MYBL2: variants seen among roughly 807,000 people sequenced by gnomAD.
MYBL2 encodes MYB proto-oncogene like 2, also known as myb-related protein B.
A neutral mutation model predicts 79.9 loss-of-function variants in MYBL2; 28 were observed. The observed-to-expected ratio is 0.35, with a 90% CI of 0.26 to 0.48. The LOEUF (loss-of-function observed/expected upper bound fraction) is 0.48. Ranked by LOEUF, MYBL2 falls within the 20% of genes least tolerant of loss-of-function variation. The pLI is 0.99. For synonymous variants in MYBL2, 378 were observed against 361.2 expected, an observed-to-expected ratio of 1.05 and a Z score of -0.53; for missense variants, 735 against 893.9, an observed-to-expected ratio of 0.82 and a Z score of 2.27.
chr20:43,684,615 A>G (rs67630444), intron 4 of MYBL2, among the ~76,000 whole-genome samples: 4,598 of 149,346 alleles, frequency 0.031, 95 homozygotes, highest in Middle Eastern at 0.1. Flanking sequence ...GGCTCAAGCT[A>G]TCTTCTCGCC....
Position 43,713,078 on chromosome 20 carries a change from T to A in MYBL2, c.1796T>A (p.Met599Lys). The part of the protein sequence containing the change: ...DIVDEDVKLM[M>K]STLPKSLSLP... The stretch of plus-strand genomic sequence containing the variant: ...GTGGATGAGGATGTGAAGCTGATGA[T>A]GTCCACACTGCCCAAGTCTCTATCC... The change falls in exon 12 of 14, where the codon ATG becomes AAG. Residue 599 changes from methionine (M) to lysine (K), a missense_variant. Transcript: ENST00000217026. 1.2e-6 allele frequency: 2 copies of A among 1,613,138 alleles called. No individual in the cohort carries two copies. Among genetic ancestry groups the A allele is most frequent in the Non-Finnish European group, 1.7e-6 (2 of 1,179,622 alleles).
chr20:43,698,039 A>G (rs1371054214), intron 6 of MYBL2, among the ~76,000 whole-genome samples: 1 of 142,282 alleles, frequency 7.0e-6, no homozygotes, highest in East Asian at 2.0e-4. Flanking sequence ...TAATTTGTTA[A>G]TTTGTTATTT....
intron 9 of MYBL2, among the ~76,000 whole-genome samples, chr20:43,705,942 C>T (rs1248995497): frequency 1.3e-5 from 2 of 152,078 alleles, no homozygotes; most frequent in East Asian, 3.9e-4. Context: ...CCTCGTGATC[C>T]TCCTGCCTCA....
intron 13 of MYBL2, 100 bp from the exon 14 acceptor site, chr20:43,715,859 A>T (rs1481696204): frequency 4.2e-6 from 6 of 1,432,086 alleles, no homozygotes; most frequent in Non-Finnish European, 5.6e-6. Flanking sequence ...CTTCTAGGGG[A>T]GGGAGGCTTA....
chr20:43,679,327 A>G (rs1349343319), intron 2 of MYBL2, among the ~76,000 whole-genome samples: 1 of 152,176 alleles, frequency 6.6e-6, no homozygotes, highest in East Asian at 1.9e-4. Flanking sequence ...ATAAATTTGT[A>G]TGTGTGACAA....
rs1383250915 is a variant in MYBL2, at chr20:43,691,818, TGTG to T, written c.501-335_501-333del. Among the ~76,000 whole-genome samples the T allele has an allele frequency of 4.0e-5, 6 of 151,820 alleles. No homozygotes were observed. The South Asian group carries it at 1.2e-3, about 32-fold the overall frequency. ...CCGCCCAGAGTGCTGGGATCACAGG[TGTG>T]GTGAGCCACCGCACTCGGCAATTTT... On this transcript the variant is annotated intron_variant, in intron 5 of 13. Transcript: ENST00000217026.
intron 6 of MYBL2, among the ~76,000 whole-genome samples, chr20:43,693,857 C>T (rs954783695): frequency 1.3e-5 from 2 of 151,860 alleles, no homozygotes; most frequent in Admixed American, 1.3e-4. Flanking sequence ...TTAAGACCAG[C>T]TTGGGCAACA....
chr20:43,685,710 G>T (rs186037812), intron 4 of MYBL2, among the ~76,000 whole-genome samples: 2 of 151,874 alleles, frequency 1.3e-5, no homozygotes, highest in Non-Finnish European at 2.9e-5. Context: ...AGCTGAGATC[G>T]CCCCACTGCA....
Position 43,699,793 on chromosome 20 carries a change from A to C in MYBL2, c.700A>C (p.Thr234Pro). The stretch of plus-strand genomic sequence containing the variant: ...GACCAACTGGCCCTCCGTCCCTCCT[A>C]CCATAAAGGAGGAGGAAAACAGTGA... ...LLTNWPSVPP[T>P]IKEEENSEEE... Residue 234 changes from threonine to proline, a missense_variant, in exon 7 of 14, where the codon ACC becomes CCC. By Grantham distance (38) the Thr-to-Pro change is conservative. Coordinates refer to ENST00000217026, the MANE Select transcript of MYBL2 (RefSeq NM_002466.4). 6.2e-7 allele frequency: 1 copy of C among 1,614,060 alleles called. No individual in the cohort carries two copies. Among genetic ancestry groups the C allele is most frequent in the Non-Finnish European group, 8.5e-7 (1 of 1,180,014 alleles).
chr20:43,695,568 T>C (rs1185691275), intron 6 of MYBL2, among the ~76,000 whole-genome samples: 1 of 152,158 alleles, frequency 6.6e-6, no homozygotes, highest in Non-Finnish European at 1.5e-5. Context: ...GGGAACCCTT[T>C]TGGCTGAGTA....
intron 5 of MYBL2, among the ~76,000 whole-genome samples, chr20:43,687,472 C>G (rs1016501823): frequency 4.6e-5 from 7 of 152,100 alleles, no homozygotes; most frequent in African/African-American, 1.7e-4. Context: ...TCAGGTAGTA[C>G]TATAATCTGC....
At chr20:43,702,157 A>C (rs1987687495) in intron 7 of MYBL2, among the ~76,000 whole-genome samples, 1 of 151,874 alleles carries the variant, frequency 6.6e-6, no homozygotes, top group African/African-American at 2.4e-5. Context: ...AAATTAGCCG[A>C]GAATGGTGGT....
intron 4 of MYBL2, among the ~76,000 whole-genome samples, chr20:43,686,467 T>C (rs73911004): frequency 0.012 from 1,864 of 152,282 alleles, 40 homozygotes; most frequent in African/African-American, 0.043. Context: ...CACCTTTAGT[T>C]TGGACTCCGT....
At chr20:43,699,276 C>A (rs531955932) in intron 6 of MYBL2, among the ~76,000 whole-genome samples, 3 of 152,088 alleles carry the variant, frequency 2.0e-5, no homozygotes, top group Admixed American at 6.5e-5. Flanking sequence ...GAACTCTTGA[C>A]CTCAGGTGAT....
At chr20:43,698,511 G>T (rs1258972809) in intron 6 of MYBL2, among the ~76,000 whole-genome samples, 1 of 150,268 alleles carries the variant, frequency 6.7e-6, no homozygotes, top group Non-Finnish European at 1.5e-5. Flanking sequence ...TCAAGTAGCT[G>T]GAACTACAGG....
Position 43,713,102 on chromosome 20 carries a change from C to G in MYBL2, c.1820C>G (p.Ser607Cys), listed in dbSNP as rs1254614860. ...LMMSTLPKSL[S>C]LPTTAPSNSS... is the part of the protein sequence containing the mutation. ...ATGTCCACACTGCCCAAGTCTCTAT[C>G]CTTGGTAAGGCTTCTGCTCCTTGGA... Residue 607 changes from serine (S) to cysteine (C), a missense_variant, in exon 12 of 14, where the codon TCC becomes TGC. This residue lies in a region of MYBL2 where 204 missense variants were observed against 202.9 expected (regional missense o/e 1.01). Transcript: ENST00000217026. The G allele has an allele frequency of 1.2e-6, 2 of 1,610,942 alleles. No homozygotes were observed. Among genetic ancestry groups the G allele is most frequent in the Admixed American group, 3.4e-5 (2 of 59,676 alleles).
chr20:43,668,684 G>A (rs938662096), intron 1 of MYBL2, among the ~76,000 whole-genome samples: 4 of 105,080 alleles, frequency 3.8e-5, no homozygotes, highest in Non-Finnish European at 7.2e-5. Flanking sequence ...ACCCTGCCCT[G>A]GTTTTTTTTT....
chr20:43,672,839 A>G (rs1986899667), intron 1 of MYBL2, among the ~76,000 whole-genome samples: 2 of 152,218 alleles, frequency 1.3e-5, no homozygotes, highest in African/African-American at 4.8e-5. Context: ...ATGCCTGTTA[A>G]CTTCATCAAC....
At chr20:43,692,637 A>T (rs1987440731) in intron 6 of MYBL2, among the ~76,000 whole-genome samples, 1 of 152,146 alleles carries the variant, frequency 6.6e-6, no homozygotes, top group African/African-American at 2.4e-5. Flanking sequence ...TGTTTGCAAT[A>T]AAAAAATCAG....
Sources: allele counts gnomAD v4.1 joint callset (sites outside exome capture counted in the v4.1 genomes callset), GRCh38; gene constraint gnomAD v4.1.1; regional missense constraint gnomAD v4.1.1; transcripts MANE v1.5; gene names NCBI Gene and HGNC (gene_info 2026-07-23, HGNC 2026-07-21).